Variants in RBFOX1 observed in about 807,000 individuals in gnomAD.
RBFOX1 encodes the protein RNA binding protein fox-1 homolog 1.
A neutral mutation model predicts 57.7 loss-of-function variants in RBFOX1; 8 were observed. That is an observed-to-expected ratio of 0.14 (90% CI 0.08 to 0.25). RBFOX1 has a LOEUF of 0.25. RBFOX1 is among the 10% of genes least tolerant of loss of function. The pLI, the probability that RBFOX1 is intolerant of heterozygous loss-of-function variation, is 1.00. For synonymous variants in RBFOX1, 326 were observed against 222.4 expected, an observed-to-expected ratio of 1.47 and a Z score of -4.15; for missense variants, 611 against 548.5, an observed-to-expected ratio of 1.11 and a Z score of -1.14.
intron 1 of RBFOX1, among the ~76,000 whole-genome samples, chr16:5,394,739 G>C (rs949265560): frequency 3.9e-5 from 6 of 151,940 alleles, no homozygotes; most frequent in African/African-American, 9.7e-5. Flanking sequence ...TGTAGAAATG[G>C]GGTCTCACCA....
At chr16:5,702,564 G>C (rs1165643369) in intron 3 of RBFOX1, among the ~76,000 whole-genome samples, 1 of 152,242 alleles carries the variant, frequency 6.6e-6, no homozygotes, top group East Asian at 1.9e-4. Flanking sequence ...TAGCCCTGGA[G>C]AGGAACAAGG....
At chr16:5,563,347 C>A (rs1227256624) in intron 2 of RBFOX1, among the ~76,000 whole-genome samples, 2 of 152,218 alleles carry the variant, frequency 1.3e-5, no homozygotes, top group African/African-American at 4.8e-5. Context: ...AACTGTCTGT[C>A]CTCCAAATAT....
intron 3 of RBFOX1, among the ~76,000 whole-genome samples, chr16:6,945,116 G>C (rs1416696449): frequency 1.3e-5 from 2 of 152,128 alleles, no homozygotes; most frequent in African/African-American, 4.8e-5. Flanking sequence ...CCCTTTGCTA[G>C]GGTCACGCAG....
chr16:6,876,313 A>G (rs902718998), intron 3 of RBFOX1, among the ~76,000 whole-genome samples: 55 of 152,322 alleles, frequency 3.6e-4, no homozygotes, highest in Non-Finnish European at 3.4e-4. Flanking sequence ...CAGCATATTC[A>G]ATGGACAATG....
chr16:7,429,633 G>T (rs2098658948), intron 4 of RBFOX1, among the ~76,000 whole-genome samples: 2 of 152,196 alleles, frequency 1.3e-5, no homozygotes, highest in Admixed American at 1.3e-4. Context: ...ATGAATACAG[G>T]ATGGGAGGAA....
rs566371524 is a variant in RBFOX1, at chr16:6,766,896, C to G, written c.-16+112246C>G. On this transcript the variant is annotated intron_variant, in intron 3 of 15. Coordinates refer to ENST00000550418, the MANE Select transcript of RBFOX1 (RefSeq NM_018723.4). ...AACAGCAAGTAAAAAGATACTCAGT[C>G]TGAGGACACTTGACCTGGCATGAAG... Among the ~76,000 whole-genome samples the G allele has an allele frequency of 2.6e-5, 4 of 152,154 alleles. No individual in the cohort carries two copies. In the East Asian group the frequency reaches 7.8e-4, roughly 30 times the overall value.
At chr16:5,700,595 T>G (rs927008424) in intron 3 of RBFOX1, among the ~76,000 whole-genome samples, 1 of 152,234 alleles carries the variant, frequency 6.6e-6, no homozygotes, top group Non-Finnish European at 1.5e-5. Context: ...TGATCCTGGT[T>G]GGAACTCGCA....
intron 1 of RBFOX1, among the ~76,000 whole-genome samples, chr16:5,442,149 C>A (rs1052106535): frequency 2.0e-5 from 3 of 152,186 alleles, no homozygotes; most frequent in South Asian, 2.1e-4. Context: ...ACCAAGAAAA[C>A]TTCCTAGAAG....
At chr16:6,875,629 C>T (rs927293282) in intron 3 of RBFOX1, among the ~76,000 whole-genome samples, 2 of 152,226 alleles carry the variant, frequency 1.3e-5, no homozygotes, top group African/African-American at 4.8e-5. Context: ...AGTTGATCCA[C>T]ATCTGGATAA....
At chr16:7,137,384 T>A (rs111602221) in intron 4 of RBFOX1, among the ~76,000 whole-genome samples, 3,680 of 152,250 alleles carry the variant, frequency 0.024, 152 homozygotes, top group African/African-American at 0.084. Flanking sequence ...GTGGGGGTAG[T>A]TTCCCCCATA....
At chr16:7,098,720 C>T (rs2062122109) in intron 4 of RBFOX1, among the ~76,000 whole-genome samples, 2 of 152,012 alleles carry the variant, frequency 1.3e-5, no homozygotes, top group South Asian at 4.2e-4. Flanking sequence ...GAAACTGAGG[C>T]AGGAGGATCA....
chr16:5,920,961 C>G (rs993583855), intron 4 of RBFOX1, among the ~76,000 whole-genome samples: 3 of 95,210 alleles, frequency 3.2e-5, no homozygotes, highest in Non-Finnish European at 7.2e-5. Context: ...CCTGAAGAAT[C>G]TGTTCTCCTC....
intron 4 of RBFOX1, among the ~76,000 whole-genome samples, chr16:7,090,881 AGC>A (rs1362915193): frequency 1.2e-5 from 1 of 84,696 alleles, no homozygotes; most frequent in Non-Finnish European, 2.7e-5. Flanking sequence ...CCTCTTGACC[AGC>A]ACAACCTCCC....
intron 1 of RBFOX1, among the ~76,000 whole-genome samples, chr16:6,204,593 G>A (rs959525893): frequency 1.3e-5 from 2 of 152,170 alleles, no homozygotes; most frequent in African/African-American, 4.8e-5. Context: ...CATCATGATG[G>A]TCAGGGAAGA....
intron 4 of RBFOX1, among the ~76,000 whole-genome samples, chr16:7,107,175 C>T (rs1423631376): frequency 6.6e-6 from 1 of 152,098 alleles, no homozygotes; most frequent in Non-Finnish European, 1.5e-5. Flanking sequence ...AGTGCAAAGC[C>T]ATCGAGGCTG....
At chr16:7,512,030 C>T (rs1194139640) in intron 4 of RBFOX1, among the ~76,000 whole-genome samples, 1 of 152,196 alleles carries the variant, frequency 6.6e-6, no homozygotes. Context: ...TCATCCTGCT[C>T]ATCAACTAGG....
intron 2 of RBFOX1, among the ~76,000 whole-genome samples, chr16:6,352,299 C>G (rs1393088286): frequency 6.6e-6 from 1 of 152,036 alleles, no homozygotes; most frequent in African/African-American, 2.4e-5. Flanking sequence ...TCTTTTGTTG[C>G]TAGGACCATT....
chr16:7,561,916 A>T (rs1244645927), intron 5 of RBFOX1, among the ~76,000 whole-genome samples: 1 of 152,208 alleles, frequency 6.6e-6, no homozygotes, highest in Non-Finnish European at 1.5e-5. Flanking sequence ...TTTAGGATTT[A>T]GTACCAAATA....
At chr16:6,672,160 A>C (rs1485485820) in intron 3 of RBFOX1, among the ~76,000 whole-genome samples, 1 of 152,216 alleles carries the variant, frequency 6.6e-6, no homozygotes, top group Non-Finnish European at 1.5e-5. Flanking sequence ...AGAAATAGAT[A>C]CTTATCTTTT....
Sources: allele counts gnomAD v4.1 joint callset (sites outside exome capture counted in the v4.1 genomes callset), GRCh38; gene constraint gnomAD v4.1.1; transcripts MANE v1.5; gene names NCBI Gene and HGNC (gene_info 2026-07-23, HGNC 2026-07-21).